Variants in DPH6 observed in about 807,000 individuals in gnomAD.
DPH6 encodes the protein diphthamine biosynthesis 6, also known as diphthine--ammonia ligase.
DPH6 carries 33 observed loss-of-function variants against 38.2 expected under a neutral mutation model. The observed-to-expected ratio is 0.86, with a 90% CI of 0.65 to 1.15. DPH6 has a LOEUF of 1.15. Among genes scored for constraint, DPH6 ranks in the 50% most tolerant of loss-of-function variants. The probability of loss-of-function intolerance (pLI) is 0.00; values close to 1 mark genes in which losing one functional copy is unlikely to be tolerated. For synonymous variants in DPH6, 108 were observed against 103.0 expected (o/e 1.05, Z -0.30); for missense variants, 325 against 320.0 (o/e 1.02, Z -0.12).
At chr15:35,542,302 A>C in intron 2 of DPH6, 111 bp downstream of exon 2, 1 of 873,794 alleles carries the variant, frequency 1.1e-6, no homozygotes, top group East Asian at 2.5e-5. Flanking sequence ...TGGGTGCTTA[A>C]TATTTATTGG....
At chr15:35,471,671 C>T (rs931097510) in intron 3 of DPH6, among the ~76,000 whole-genome samples, 3 of 152,110 alleles carry the variant, frequency 2.0e-5, no homozygotes, top group Non-Finnish European at 2.9e-5. Flanking sequence ...ATTTTCTATC[C>T]ATCCTCTGCA....
intron 3 of DPH6, among the ~76,000 whole-genome samples, chr15:35,324,920 T>C (rs1289764072): frequency 2.6e-5 from 4 of 152,158 alleles, no homozygotes; most frequent in Admixed American, 2.6e-4. Flanking sequence ...AACAGAATCT[T>C]AGTACTTGGG....
At chr15:35,303,335 A>G (rs1031648868) in intron 3 of DPH6, among the ~76,000 whole-genome samples, 3 of 151,776 alleles carry the variant, frequency 2.0e-5, no homozygotes, top group Admixed American at 2.0e-4. Flanking sequence ...ATTTTAAAAT[A>G]TTTTTATAAT....
the DPH6 span, among the ~76,000 whole-genome samples, chr15:35,161,501 C>T: frequency 1.3e-5 from 2 of 151,950 alleles, no homozygotes; most frequent in Admixed American, 6.6e-5. Context: ...ACCATATCTC[C>T]CTGTTATGGA....
chr15:35,185,590 A>T, the DPH6 span, among the ~76,000 whole-genome samples: 143 of 152,300 alleles, frequency 9.4e-4, 1 homozygote, highest in African/African-American at 3.3e-3. Flanking sequence ...TGCAAATAGC[A>T]GTGGACCTTT....
chr15:35,444,008 A>G (rs2053819990), intron 5 of DPH6, among the ~76,000 whole-genome samples: 1 of 152,212 alleles, frequency 6.6e-6, no homozygotes, highest in Non-Finnish European at 1.5e-5. Flanking sequence ...CAAATAAGGT[A>G]GAGTTCCAAG....
At chr15:35,541,706 T>C (rs961703701) in intron 2 of DPH6, among the ~76,000 whole-genome samples, 1 of 152,152 alleles carries the variant, frequency 6.6e-6, no homozygotes, top group Admixed American at 6.5e-5. Flanking sequence ...CCCTCTTACA[T>C]TTTAGCAGTT....
intron 3 of DPH6, among the ~76,000 whole-genome samples, chr15:35,244,377 T>C (rs1418967277): frequency 1.3e-5 from 2 of 152,226 alleles, no homozygotes; most frequent in Non-Finnish European, 2.9e-5. Context: ...TTCTGAAAAC[T>C]GGAGGGAGCT....
At chr15:35,499,992 G>C (rs2054605567) in intron 3 of DPH6, among the ~76,000 whole-genome samples, 1 of 152,210 alleles carries the variant, frequency 6.6e-6, no homozygotes. Context: ...GTTTTCCACA[G>C]TGCAAAGAGG....
At chr15:35,545,533 C>T (rs375526829) in intron 1 of DPH6, among the ~76,000 whole-genome samples, 1 of 152,168 alleles carries the variant, frequency 6.6e-6, no homozygotes, top group African/African-American at 2.4e-5. Context: ...TGCCCAAAGG[C>T]AGAAACACAC....
At chr15:35,362,446 C>A (rs1015516531) in intron 3 of DPH6, among the ~76,000 whole-genome samples, 1 of 152,152 alleles carries the variant, frequency 6.6e-6, no homozygotes, top group African/African-American at 2.4e-5. Flanking sequence ...CTTCTCTTAC[C>A]CTCCTGTGGG....
At chr15:35,173,704 G>T in the DPH6 span, among the ~76,000 whole-genome samples, 2 of 151,954 alleles carry the variant, frequency 1.3e-5, no homozygotes, top group African/African-American at 4.8e-5. Flanking sequence ...CATTGCTGCA[G>T]CCATGTCGAA....
intron 3 of DPH6, among the ~76,000 whole-genome samples, chr15:35,353,963 T>C (rs2052537769): frequency 6.6e-6 from 1 of 152,148 alleles, no homozygotes; most frequent in Non-Finnish European, 1.5e-5. Flanking sequence ...TGTTGAGGAG[T>C]GGTTTGTAGT....
chr15:35,292,833 T>C (rs1170774023), intron 3 of DPH6, among the ~76,000 whole-genome samples: 1 of 152,188 alleles, frequency 6.6e-6, no homozygotes, highest in East Asian at 1.9e-4. Context: ...ACCCTTTGCC[T>C]GAAAATCTGG....
intron 7 of DPH6, among the ~76,000 whole-genome samples, chr15:35,378,438 AC>A (rs1168399510): frequency 6.6e-6 from 1 of 152,186 alleles, no homozygotes; most frequent in Non-Finnish European, 1.5e-5. Context: ...AAGGATCTAG[AC>A]CTAGAAATAC....
chr15:35,237,874 T>C (rs1486426571), intron 3 of DPH6: 2 of 1,484,146 alleles, frequency 1.3e-6, no homozygotes, highest in African/African-American at 2.8e-5. Context: ...ACGAAGATGC[T>C]CAGGTAGTGG....
At chr15:35,299,493 G>A (rs1452530375) in intron 3 of DPH6, 1 of 740,866 alleles carries the variant, frequency 1.3e-6, no homozygotes. Context: ...ATGGGCCGCG[G>A]TGGCGGCAGC....
intron 3 of DPH6, among the ~76,000 whole-genome samples, chr15:35,235,915 G>A (rs1441268081): frequency 6.6e-6 from 1 of 152,090 alleles, no homozygotes; most frequent in Non-Finnish European, 1.5e-5. Flanking sequence ...TGTGTTATGA[G>A]TATTTTCTTA....
intron 1 of DPH6, among the ~76,000 whole-genome samples, chr15:35,543,259 AATATATATATATATAT>A (rs6145522): frequency 0.04 from 4,505 of 113,924 alleles, 151 homozygotes; most frequent in East Asian, 0.11. Flanking sequence ...ACATACACAT[AATATATATATATATAT>A]ATATATATAT....
Sources: gnomAD v4.1 joint callset for allele counts (sites outside exome capture counted in the v4.1 genomes callset) on GRCh38, gnomAD v4.1.1 for gene constraint, MANE v1.5 for transcripts, NCBI Gene and HGNC (gene_info 2026-07-23, HGNC 2026-07-21) for gene names.